The following SUMF1 variants were observed in gnomAD, a reference collection of about 807,000 sequenced individuals.
The protein encoded by SUMF1 is formylglycine-generating enzyme.
A neutral mutation model predicts 47.6 loss-of-function variants in SUMF1; 48 were observed. The observed-to-expected ratio is 1.01, with a 90% CI of 0.80 to 1.28. SUMF1 has a LOEUF of 1.28. Among genes scored for constraint, SUMF1 ranks in the 50% most tolerant of loss-of-function variants. The probability of loss-of-function intolerance (pLI) is 0.00; values close to 1 mark genes in which losing one functional copy is unlikely to be tolerated. For synonymous variants in SUMF1, 230 were observed against 192.1 expected (o/e 1.20, Z -1.63); for missense variants, 571 against 485.4 (o/e 1.18, Z -1.66).
At chr3:4,059,459 CT>C (rs1695242863) in intron 9 of SUMF1, among the ~76,000 whole-genome samples, 1 of 152,132 alleles carries the variant, frequency 6.6e-6, no homozygotes, top group African/African-American at 2.4e-5. Flanking sequence ...AAGTGCAGCT[CT>C]GTGATAACCA....
rs112853805 is a variant in SUMF1, at chr3:4,231,552, G to T, written c.1014+144778C>A. 2.3e-4 allele frequency among the ~76,000 whole-genome samples: 35 copies of T among 152,224 alleles called. 2 individuals are homozygous for T. The highest frequency in any genetic ancestry group is 8.2e-4 in the African/African-American group (34 of 41,548). On this transcript the variant is annotated intron_variant and NMD_transcript_variant, in intron 8 of 12. Coordinates refer to the SUMF1 transcript ENST00000448413. ...TTGAATTGATTATTTTGAAGAGCAG[G>T]TCACAGAGGTATCTGCTATCCTAAT...
At chr3:4,100,095 T>G (rs1692999337) in intron 8 of SUMF1, among the ~76,000 whole-genome samples, 1 of 151,114 alleles carries the variant, frequency 6.6e-6, no homozygotes, top group African/African-American at 2.4e-5. Flanking sequence ...GAATTCATAT[T>G]ATTAAATTGT....
intron 8 of SUMF1, among the ~76,000 whole-genome samples, chr3:4,228,724 T>A (rs1365731876): frequency 1.3e-5 from 2 of 152,058 alleles, no homozygotes; most frequent in East Asian, 3.9e-4. Flanking sequence ...CACTGTAAAT[T>A]CTTAGAACCC....
chr3:4,045,802 G>C (rs1314724266), intron 9 of SUMF1, among the ~76,000 whole-genome samples: 3 of 152,166 alleles, frequency 2.0e-5, no homozygotes, highest in African/African-American at 7.2e-5. Flanking sequence ...ATGAACTTGA[G>C]ACAGAGTCTG....
chr3:4,382,169 A>G (rs1700523981), intron 7 of SUMF1, among the ~76,000 whole-genome samples: 1 of 152,246 alleles, frequency 6.6e-6, no homozygotes, highest in African/African-American at 2.4e-5. Context: ...CGGATGGTTC[A>G]GACTGACAAT....
intron 8 of SUMF1, among the ~76,000 whole-genome samples, chr3:4,251,959 T>A (rs554516597): frequency 1.3e-5 from 2 of 152,224 alleles, no homozygotes; most frequent in Non-Finnish European, 1.5e-5. Context: ...AAATTCTATA[T>A]GCACGGGAAA....
chr3:4,274,644 T>C (rs1490486742), intron 8 of SUMF1, among the ~76,000 whole-genome samples: 1 of 152,110 alleles, frequency 6.6e-6, no homozygotes, highest in Non-Finnish European at 1.5e-5. Flanking sequence ...AGGGATAGGT[T>C]TTCCCCTGAA....
At chr3:4,193,064 G>T (rs958236228) in intron 8 of SUMF1, among the ~76,000 whole-genome samples, 1 of 151,986 alleles carries the variant, frequency 6.6e-6, no homozygotes, top group African/African-American at 2.4e-5. Flanking sequence ...CAGATATGAA[G>T]CCATATAATT....
At chr3:4,125,804 G>A (rs1007794219) in intron 8 of SUMF1, among the ~76,000 whole-genome samples, 1 of 152,074 alleles carries the variant, frequency 6.6e-6, no homozygotes, top group Admixed American at 6.6e-5. Flanking sequence ...CACCCTCTGG[G>A]TAGCAGGGAC....
In SUMF1 at chr3:4,130,059, C is replaced by T. The variant is rs79017809; in HGVS notation, c.1015-61314G>A. Among the ~76,000 whole-genome samples, 1,409 of 152,238 alleles carry T rather than the reference C, an allele frequency of 9.3e-3. 34 individuals are homozygous for T. Among genetic ancestry groups the T allele is most frequent in the African/African-American group, 0.032 (1,344 of 41,518 alleles). On this transcript the variant is annotated intron_variant and NMD_transcript_variant, in intron 8 of 12. Transcript: ENST00000448413. ...AAAACAATATCGCATCCTGGAAGGACTGCAGAGATTAGTGCCACCATCAAG... is the reference window on the plus strand; with the variant it reads ...AAAACAATATCGCATCCTGGAAGGATTGCAGAGATTAGTGCCACCATCAAG...
intron 9 of SUMF1, among the ~76,000 whole-genome samples, chr3:4,065,985 C>T (rs984390687): frequency 6.6e-6 from 1 of 152,114 alleles, no homozygotes; most frequent in African/African-American, 2.4e-5. Flanking sequence ...CTGCTTCTGC[C>T]TCCCTTCCTG....
intron 8 of SUMF1, among the ~76,000 whole-genome samples, chr3:4,233,776 G>C (rs1227045683): frequency 6.6e-6 from 1 of 152,112 alleles, no homozygotes; most frequent in African/African-American, 2.4e-5. Flanking sequence ...TTAAAACGAA[G>C]TCAATACTAA....
intron 9 of SUMF1, among the ~76,000 whole-genome samples, chr3:4,062,448 G>C (rs192475516): frequency 3.6e-4 from 55 of 152,288 alleles, no homozygotes; most frequent in Non-Finnish European, 6.8e-4. Flanking sequence ...ATTATCAACT[G>C]TTGCTGCCAG....
At position 4,362,169 on chromosome 3, in the gene SUMF1, G is replaced by C; in HGVS notation, c.1100C>G (p.Ala367Gly). The change falls in exon 9 of 9, where the codon GCC (alanine) becomes GGC (glycine). Residue 367 changes from alanine to glycine, a missense_variant. Physicochemically the swap from Ala to Gly is moderately conservative, Grantham distance 60. Coordinates refer to ENST00000272902, the MANE Select transcript of SUMF1 (RefSeq NM_182760.4). ...SASNLGFRCA[A>G]DRLPTMD ...TCAGTCCATAGTGGGCAGGCGGTCG[G>C]CTGCACAGCGGAATCCCAGATTCGA... The C allele has an allele frequency of 6.2e-7, 1 of 1,614,198 alleles. No homozygotes were observed. Among genetic ancestry groups the C allele is most frequent in the Non-Finnish European group, 8.5e-7 (1 of 1,180,024 alleles).
chr3:4,224,420 A>G (rs1250087497), intron 8 of SUMF1, among the ~76,000 whole-genome samples: 1 of 152,026 alleles, frequency 6.6e-6, no homozygotes, highest in Non-Finnish European at 1.5e-5. Flanking sequence ...GCTCCCTAGC[A>G]TATTTTCCCC....
rs575115222 is a variant in SUMF1, at chr3:4,214,700, A to C, written c.1015-145955T>G. Among the ~76,000 whole-genome samples, 8 of 152,278 alleles carry C rather than the reference A, an allele frequency of 5.3e-5. No individual in the cohort carries two copies. In the South Asian group the frequency reaches 1.5e-3, roughly 28 times the overall value. ...AAGAACCAAATATATGCAATAAAAA[A>C]TCATATAGGGGATATTACCACTGAT... is the stretch of plus-strand genomic sequence containing the variant. On this transcript the variant is annotated intron_variant and NMD_transcript_variant, in intron 8 of 12. Coordinates refer to the SUMF1 transcript ENST00000448413.
intron 8 of SUMF1, chr3:4,303,961 C>A: frequency 3.5e-6 from 3 of 865,964 alleles, no homozygotes; most frequent in Non-Finnish European, 4.6e-6. Context: ...GTCTCCCTCA[C>A]GCTGTGGGCT....
chr3:4,172,270 A>G (rs1379269651), intron 8 of SUMF1, among the ~76,000 whole-genome samples: 1 of 152,200 alleles, frequency 6.6e-6, no homozygotes, highest in South Asian at 2.1e-4. Flanking sequence ...GGGGAAACTG[A>G]GTGAATAGTG....
intron 8 of SUMF1, among the ~76,000 whole-genome samples, chr3:4,302,566 A>G (rs987953188): frequency 2.6e-4 from 39 of 152,148 alleles, no homozygotes; most frequent in African/African-American, 8.9e-4. Context: ...TCCAAAAGGA[A>G]GAAGGGCATA....
Sources: gnomAD v4.1 joint callset for allele counts (sites outside exome capture counted in the v4.1 genomes callset) on GRCh38, gnomAD v4.1.1 for gene constraint, MANE v1.5 for transcripts, NCBI Gene and HGNC (gene_info 2026-07-23, HGNC 2026-07-21) for gene names.